Variants in UTRN observed in about 807,000 individuals in gnomAD.
UTRN encodes utrophin.
UTRN carries 283 observed loss-of-function variants against 463.9 expected under a neutral mutation model. That is an observed-to-expected ratio of 0.61 (90% CI 0.55 to 0.67). UTRN has a LOEUF of 0.67. UTRN is among the 30% of genes least tolerant of loss of function. The pLI is 0.00. For missense variants in UTRN, 3,922 were observed against 4,084.3 expected, an observed-to-expected ratio of 0.96 and a Z score of 1.08; for synonymous variants, 1,442 against 1,431.5, an observed-to-expected ratio of 1.01 and a Z score of -0.17.
chr6:144,743,140 A>G (rs900479514), intron 54 of UTRN, among the ~76,000 whole-genome samples: 2 of 152,246 alleles, frequency 1.3e-5, no homozygotes, highest in Non-Finnish European at 2.9e-5. Flanking sequence ...CAATTAAGTA[A>G]TTATATACTG....
At chr6:144,530,922 A>G (rs1187500850) in intron 41 of UTRN, 130 bp from the exon 42 acceptor site, 13 of 1,048,612 alleles carry the variant, frequency 1.2e-5, no homozygotes. Context: ...TTTGTGGAGC[A>G]ATAGGCTGTG....
intron 53 of UTRN, chr6:144,708,030 G>A (rs79965077): frequency 0.012 from 2,112 of 176,062 alleles, 45 homozygotes; most frequent in African/African-American, 0.045. Flanking sequence ...TTAAAAACTC[G>A]TTTCTTAAAG....
intron 51 of UTRN, among the ~76,000 whole-genome samples, chr6:144,668,891 T>C (rs1015780930): frequency 3.5e-4 from 53 of 152,238 alleles, no homozygotes; most frequent in African/African-American, 1.2e-3. Flanking sequence ...CTATGGTGTT[T>C]AGGAGTTTGC....
At chr6:144,527,958 G>A (rs531079705) in intron 41 of UTRN, among the ~76,000 whole-genome samples, 36 of 151,174 alleles carry the variant, frequency 2.4e-4, no homozygotes, top group African/African-American at 8.3e-4. Flanking sequence ...TTTAATAATC[G>A]ACCTTCTGAA....
intron 3 of UTRN, among the ~76,000 whole-genome samples, chr6:144,410,331 A>G (rs1346248375): frequency 6.6e-6 from 1 of 152,184 alleles, no homozygotes; most frequent in Non-Finnish European, 1.5e-5. Context: ...TTGTGTATAC[A>G]TGGAATAAGC....
At chr6:144,692,366 G>T (rs1019039607) in intron 52 of UTRN, among the ~76,000 whole-genome samples, 1 of 152,152 alleles carries the variant, frequency 6.6e-6, no homozygotes, top group Non-Finnish European at 1.5e-5. Context: ...ATATGCATGT[G>T]TCTTTATAAT....
chr6:144,318,947 T>C (rs1175255974), intron 2 of UTRN, among the ~76,000 whole-genome samples: 1 of 152,154 alleles, frequency 6.6e-6, no homozygotes, highest in Non-Finnish European at 1.5e-5. Flanking sequence ...CCAGCACCTG[T>C]GGTCCCAGCT....
intron 28 of UTRN, 26 bp from the exon 29 acceptor site, chr6:144,487,522 A>ATTTTTTTTTTTT: frequency 6.5e-7 from 1 of 1,549,234 alleles, no homozygotes; most frequent in Admixed American, 1.8e-5. Flanking sequence ...ATGCATTATT[A>ATTTTTTTTTTTT]TTTTTTTTTC....
intron 25 of UTRN, among the ~76,000 whole-genome samples, chr6:144,477,533 TACACACACACACAC>T (rs10651559): frequency 1.4e-5 from 2 of 146,758 alleles, no homozygotes; most frequent in Admixed American, 6.8e-5. Flanking sequence ...TTTCTCTTTA[TACACACACACACAC>T]ACACACACAC....
rs973320499 is a variant in UTRN, at chr6:144,744,935, A to G, written c.7940-3311A>G. 8.5e-5 allele frequency among the ~76,000 whole-genome samples: 13 copies of G among 152,344 alleles called. No homozygotes were observed. In the South Asian group the frequency reaches 1.0e-3, roughly 12 times the overall value. On this transcript the variant is annotated intron_variant, in intron 54 of 74. Transcript: ENST00000367545. ...TCCAGAGAAATCAATTTATATGCCA[A>G]TAGGCTAGCCACATTCCATCCTGAC...
intron 73 of UTRN, among the ~76,000 whole-genome samples, chr6:144,843,714 G>A (rs1781788369): frequency 1.3e-5 from 2 of 152,124 alleles, no homozygotes; most frequent in Non-Finnish European, 2.9e-5. Context: ...GGTTTATGGA[G>A]CCCTGAGATT....
intron 71 of UTRN, 24 bp downstream of exon 71, chr6:144,836,565 C>A: frequency 6.2e-7 from 1 of 1,610,802 alleles, no homozygotes; most frequent in South Asian, 1.1e-5. Flanking sequence ...AATTCAGCGT[C>A]ACACCTCCCC....
At chr6:144,666,736 T>C (rs1780433858) in intron 51 of UTRN, among the ~76,000 whole-genome samples, 1 of 152,202 alleles carries the variant, frequency 6.6e-6, no homozygotes, top group Non-Finnish European at 1.5e-5. Context: ...GGAAGGGTTT[T>C]CCACATACTG....
At chr6:144,635,153 T>C (rs1211552574) in intron 51 of UTRN, among the ~76,000 whole-genome samples, 1 of 149,660 alleles carries the variant, frequency 6.7e-6, no homozygotes, top group Non-Finnish European at 1.5e-5. Context: ...TTTTTTTTTT[T>C]TTTTTTGGAG....
chr6:144,801,867 A>T (rs912307775), intron 64 of UTRN, among the ~76,000 whole-genome samples: 3 of 152,146 alleles, frequency 2.0e-5, no homozygotes, highest in Admixed American at 2.0e-4. Context: ...ACTCTTCTGG[A>T]TGTCAGATCC....
rs1222734582 is a variant in UTRN, at chr6:144,488,847, A to G, written c.4134+13A>G. 5.1e-6 allele frequency: 8 copies of G among 1,578,032 alleles called. No individual in the cohort carries two copies. The highest frequency in any genetic ancestry group is 2.7e-5 in the African/African-American group (2 of 73,882). ...ACAGGAAGCTCAGGTATTGCCGTGC[A>G]TTTGAGGGCTTTTGAGCTGTAAAGA... On this transcript the variant is annotated intron_variant, in intron 30 of 74. Transcript: ENST00000367545.
At chr6:144,570,904 A>G (rs753599798) in intron 50 of UTRN, among the ~76,000 whole-genome samples, 37 of 152,310 alleles carry the variant, frequency 2.4e-4, no homozygotes, top group Middle Eastern at 3.4e-3. Context: ...GGTTTCTTGG[A>G]CATTTGCATC....
chr6:144,617,731 G>A (rs1806288166), intron 51 of UTRN, among the ~76,000 whole-genome samples: 1 of 152,044 alleles, frequency 6.6e-6, no homozygotes, highest in Non-Finnish European at 1.5e-5. Flanking sequence ...CTTCGTAAAT[G>A]TCCATCAGTC....
chr6:144,425,558 A>G (rs183329570), intron 6 of UTRN, among the ~76,000 whole-genome samples: 2 of 152,200 alleles, frequency 1.3e-5, no homozygotes, highest in Admixed American at 6.5e-5. Context: ...CTTCTACATT[A>G]GTTGGTGTTC....
Sources: allele counts gnomAD v4.1 joint callset (sites outside exome capture counted in the v4.1 genomes callset), GRCh38; gene constraint gnomAD v4.1.1; transcripts MANE v1.5; gene names NCBI Gene and HGNC (gene_info 2026-07-23, HGNC 2026-07-21).